Variants in USP18 observed in about 807,000 individuals in gnomAD.
The protein encoded by USP18 is ubl carboxyl-terminal hydrolase 18.
USP18 carries 11 observed loss-of-function variants against 48.7 expected under a neutral mutation model. The observed-to-expected ratio is 0.23, with a 90% CI of 0.14 to 0.37. The LOEUF is 0.37. Among genes scored for constraint, USP18 ranks in the 10% least tolerant of loss-of-function variants. The pLI, the probability that USP18 is intolerant of heterozygous loss-of-function variation, is 1.00. For synonymous variants in USP18, 114 were observed against 163.2 expected, an observed-to-expected ratio of 0.70 and a Z score of 2.30; for missense variants, 285 against 436.4, an observed-to-expected ratio of 0.65 and a Z score of 3.09.
At chr22:18,157,468 C>T (rs1010541940) in intron 1 of USP18, 90 bp from the exon 2 acceptor site, 16 of 690,750 alleles carry the variant, frequency 2.3e-5, no homozygotes, top group Admixed American at 7.2e-5. Flanking sequence ...TTATCTCCCT[C>T]TAAGACCTGC....
intron 8 of USP18, among the ~76,000 whole-genome samples, chr22:18,171,805 A>G (rs1258020221): frequency 6.6e-6 from 1 of 152,106 alleles, no homozygotes; most frequent in Non-Finnish European, 1.5e-5. Flanking sequence ...TGACATTTAG[A>G]AAATTAAGAC....
At chr22:18,174,161 A>G (rs1312302675) in intron 10 of USP18, among the ~76,000 whole-genome samples, 3 of 149,352 alleles carry the variant, frequency 2.0e-5, no homozygotes, top group African/African-American at 7.5e-5. Context: ...GCCTTTTCCT[A>G]TCCTGTGAAG....
intron 10 of USP18, among the ~76,000 whole-genome samples, chr22:18,174,372 T>C (rs1322399903): frequency 6.7e-6 from 1 of 148,672 alleles, no homozygotes; most frequent in Non-Finnish European, 1.5e-5. Flanking sequence ...GGACTACAGG[T>C]GTGTGCCACC....
rs572748129 is a variant in USP18, at chr22:18,151,926, C to T, written c.-107+1704C>T. The stretch of plus-strand genomic sequence containing the variant: ...AATATTAGCTGGGCGTGGCGGCAGG[C>T]GCCTGTAGTCCCAACTACTCGGGAG... On this transcript the variant is annotated intron_variant, in intron 1 of 10. Coordinates refer to ENST00000215794, the MANE Select transcript of USP18 (RefSeq NM_017414.4). 1.9e-3 allele frequency among the ~76,000 whole-genome samples: 287 copies of T among 152,154 alleles called. 1 individual carries two copies. The highest frequency in any genetic ancestry group is 6.0e-3 in the African/African-American group (250 of 41,520).
Position 18,174,932 on chromosome 22 carries a change from G to A in USP18, c.1073+1090G>A, listed in dbSNP as rs12167926. ...TTTTGTTTGTTTGTTTGTTTGTTTTGAGATGGAGTCTTGCTCTGTCACCCA... is the reference window on the plus strand; with the variant it reads ...TTTTGTTTGTTTGTTTGTTTGTTTTAAGATGGAGTCTTGCTCTGTCACCCA... On this transcript the variant is annotated intron_variant, in intron 10 of 10. Coordinates refer to ENST00000215794, the MANE Select transcript of USP18 (RefSeq NM_017414.4). 3.6e-3 allele frequency among the ~76,000 whole-genome samples: 548 copies of A among 152,010 alleles called. 4 individuals carry two copies. Among genetic ancestry groups the A allele is most frequent in the African/African-American group, 0.012 (505 of 41,418 alleles).
intron 1 of USP18, among the ~76,000 whole-genome samples, chr22:18,156,986 C>T (rs1468645970): frequency 1.3e-5 from 2 of 152,228 alleles, no homozygotes; most frequent in Non-Finnish European, 2.9e-5. Context: ...CCTATGGCCA[C>T]TGAGGCTGAG....
intron 4 of USP18, among the ~76,000 whole-genome samples, chr22:18,164,725 C>T (rs1240605568): frequency 2.6e-5 from 4 of 152,172 alleles, no homozygotes; most frequent in Admixed American, 2.0e-4. Flanking sequence ...CTCACGTGCC[C>T]GTTTAAAACT....
intron 2 of USP18, among the ~76,000 whole-genome samples, chr22:18,158,403 G>A (rs914261477): frequency 6.6e-6 from 1 of 152,176 alleles, no homozygotes. Flanking sequence ...GATTCTAGAG[G>A]CACTTAGCAT....
At chr22:18,162,181 A>G (rs1929352122) in intron 4 of USP18, among the ~76,000 whole-genome samples, 1 of 152,228 alleles carries the variant, frequency 6.6e-6, no homozygotes, top group African/African-American at 2.4e-5. Flanking sequence ...AAGTGAAGGC[A>G]TCTCCTCCAA....
intron 2 of USP18, among the ~76,000 whole-genome samples, chr22:18,158,178 C>G (rs1929224097): frequency 6.6e-6 from 1 of 152,134 alleles, no homozygotes; most frequent in Non-Finnish European, 1.5e-5. Context: ...ATCCCAGCTA[C>G]TTAGGTGGCT....
chr22:18,173,145 T>C lies in USP18; in HGVS notation c.892-5T>C. On this transcript the variant is annotated splice_polypyrimidine_tract_variant and splice_region_variant and intron_variant, in intron 8 of 10. Transcript: ENST00000215794. ...GTGAACTGTCTCGTGCCTGTCTCTT[T>C]CCAGTCTGGAGGGCAGTATGAGCTT... The C allele has an allele frequency of 3.2e-6, 5 of 1,577,854 alleles. No homozygotes were observed. Among genetic ancestry groups the C allele is most frequent in the Non-Finnish European group, 4.3e-6 (5 of 1,164,020 alleles).
In USP18 at chr22:18,169,664, T is replaced by G. The variant is rs141764413; in HGVS notation, c.628-180T>G. Among the ~76,000 whole-genome samples, 562 of 152,292 alleles carry G rather than the reference T, an allele frequency of 3.7e-3. 3 individuals are homozygous for G. The highest frequency in any genetic ancestry group is 0.013 in the African/African-American group (525 of 41,546). On this transcript the variant is annotated intron_variant, in intron 6 of 10. Coordinates refer to ENST00000215794, the MANE Select transcript of USP18 (RefSeq NM_017414.4). ...GATTGGGAGCTTCCTGCGGCCTCCC[T>G]AGAAGCAGATGCTGCCATGCTTCCG...
intron 1 of USP18, among the ~76,000 whole-genome samples, chr22:18,156,430 C>T (rs532124086): frequency 6.6e-6 from 1 of 152,304 alleles, no homozygotes; most frequent in African/African-American, 2.4e-5. Context: ...TGCTACTGCT[C>T]ACTCTTTGGG....
At chr22:18,156,288 G>A (rs1221532732) in intron 1 of USP18, among the ~76,000 whole-genome samples, 1 of 152,178 alleles carries the variant, frequency 6.6e-6, no homozygotes, top group East Asian at 1.9e-4. Flanking sequence ...CTATAAAATG[G>A]ACCAATCAGC....
rs759962659 is a variant in USP18, at chr22:18,157,831, C to A, written c.157+11C>A. 91 of 1,613,612 alleles carry A rather than the reference C, an allele frequency of 5.6e-5. No individual in the cohort carries two copies. The highest frequency in any genetic ancestry group is 7.0e-5 in the Non-Finnish European group (83 of 1,179,846). On this transcript the variant is annotated intron_variant, in intron 2 of 10. Coordinates refer to ENST00000215794, the MANE Select transcript of USP18 (RefSeq NM_017414.4). ...GGGACTACCCTCATGGTCATTAGAC[C>A]CCTCCCGTTTTCCTCTTCTTGACTG...
At chr22:18,171,590 C>A (rs1929626038) in intron 8 of USP18, among the ~76,000 whole-genome samples, 1 of 151,780 alleles carries the variant, frequency 6.6e-6, no homozygotes, top group Non-Finnish European at 1.5e-5. Flanking sequence ...TATGATCTAT[C>A]ATTGTACTCC....
chr22:18,169,210 A>T (rs1336253992), intron 6 of USP18, among the ~76,000 whole-genome samples: 3 of 152,012 alleles, frequency 2.0e-5, no homozygotes, highest in Admixed American at 2.0e-4. Flanking sequence ...GTTTCTCGTG[A>T]ATGGTTTGGC....
intron 10 of USP18, among the ~76,000 whole-genome samples, chr22:18,175,076 G>A (rs1455689020): frequency 1.3e-5 from 2 of 152,216 alleles, no homozygotes; most frequent in Admixed American, 6.5e-5. Flanking sequence ...ACCACGCCTG[G>A]CTAATTTTTT....
At chr22:18,173,747 G>T (rs766965576) in intron 9 of USP18, 46 bp from the exon 10 acceptor site, 2 of 1,604,630 alleles carry the variant, frequency 1.2e-6, no homozygotes, top group East Asian at 2.2e-5. Context: ...CTCTGTGGGT[G>T]CTTGTGTCAG....
Sources: allele counts gnomAD v4.1 joint callset (sites outside exome capture counted in the v4.1 genomes callset), GRCh38; gene constraint gnomAD v4.1.1; transcripts MANE v1.5; gene names NCBI Gene and HGNC (gene_info 2026-07-23, HGNC 2026-07-21).